The following SLC47A2 variants were observed in gnomAD, a reference collection of about 807,000 sequenced individuals.
SLC47A2 encodes multidrug and toxin extrusion protein 2.
In SLC47A2, 52 loss-of-function variants were observed where a neutral mutation model predicts 67.7. The ratio of observed to expected loss-of-function variants is 0.77; its 90% CI spans 0.61 to 0.97. The LOEUF (loss-of-function observed/expected upper bound fraction) is 0.97, where lower values mean the gene tolerates loss of function less well. Ranked by LOEUF, SLC47A2 falls within the 50% of genes least tolerant of loss-of-function variation. SLC47A2 has a pLI of 0.00. For synonymous variants in SLC47A2, 278 were observed against 292.9 expected (o/e 0.95, Z 0.52); for missense variants, 676 against 712.3 (o/e 0.95, Z 0.58).
intron 11 of SLC47A2, among the ~76,000 whole-genome samples, chr17:19,703,686 T>A (rs2085849522): frequency 1.3e-5 from 2 of 152,106 alleles, no homozygotes; most frequent in Non-Finnish European, 2.9e-5. Context: ...ATGGGGGTGC[T>A]GGGAGGGCCA....
intron 16 of SLC47A2, 35 bp downstream of exon 16, chr17:19,679,917 G>C (rs770513763): frequency 6.3e-7 from 1 of 1,596,310 alleles, no homozygotes; most frequent in Non-Finnish European, 8.6e-7. Flanking sequence ...ACATTTATAT[G>C]TGTACCAAAG....
Position 19,678,656 on chromosome 17 carries a change from C to T in SLC47A2, c.*30G>A. 6.2e-7 allele frequency: 1 copy of T among 1,608,232 alleles called. No homozygotes were observed. Among genetic ancestry groups the T allele is most frequent in the Non-Finnish European group, 8.5e-7 (1 of 1,176,624 alleles). On this transcript the variant is annotated 3_prime_UTR_variant, in exon 17 of 17. Coordinates refer to ENST00000433844, the MANE Select transcript of SLC47A2 (RefSeq NM_001099646.3). ...TGTGTTTGCATACTGGGGACAGCCACTCCTGGCTTTCTATTTCCAAGCTTC... is the reference window on the plus strand; with the variant it reads ...TGTGTTTGCATACTGGGGACAGCCATTCCTGGCTTTCTATTTCCAAGCTTC...
At chr17:19,693,201 T>C (rs2152344102) in intron 13 of SLC47A2, among the ~76,000 whole-genome samples, 1 of 152,068 alleles carries the variant, frequency 6.6e-6, no homozygotes, top group South Asian at 2.1e-4. Context: ...AACAGCATAT[T>C]AATAAAGAAC....
intron 13 of SLC47A2, among the ~76,000 whole-genome samples, chr17:19,701,382 C>T (rs2085782935): frequency 6.6e-6 from 1 of 152,000 alleles, no homozygotes. Context: ...GAATAGTTAG[C>T]GAACTGGATG....
At chr17:19,701,768 C>T (rs1346394760) in intron 13 of SLC47A2, among the ~76,000 whole-genome samples, 1 of 152,064 alleles carries the variant, frequency 6.6e-6, no homozygotes, top group East Asian at 1.9e-4. Context: ...ATCACTTGAG[C>T]CCAGGAGTTC....
At chr17:19,713,561 T>G (rs984276882) in intron 4 of SLC47A2, among the ~76,000 whole-genome samples, 2 of 152,224 alleles carry the variant, frequency 1.3e-5, no homozygotes, top group African/African-American at 4.8e-5. Flanking sequence ...GCAAATAAAA[T>G]GCAAATCCCA....
At position 19,713,885 on chromosome 17, in the gene SLC47A2, G is replaced by A. The variant is rs148039766; in HGVS notation, c.383C>T (p.Ala128Val). ...GATGTGCTGGGTGTTGAGGAAGAGC[G>A]CCCAGCAAGGGAGGCAGCAGAGGAG... Reference protein sequence around the residue: ...VLLLCCLPCWALFLNTQHILL... With the variant: ...VLLLCCLPCWVLFLNTQHILL... The change falls in exon 4 of 17, where the codon GCG becomes GTG. Residue 128 changes from alanine (A) to valine (V), a missense_variant. Coordinates refer to ENST00000433844, the MANE Select transcript of SLC47A2 (RefSeq NM_001099646.3). 5.6e-6 allele frequency: 9 copies of A among 1,613,824 alleles called. No individual in the cohort carries two copies. The South Asian group carries it at 7.7e-5, about 14-fold the overall frequency.
At chr17:19,691,111 G>A (rs556098273) in intron 13 of SLC47A2, among the ~76,000 whole-genome samples, 34 of 150,860 alleles carry the variant, frequency 2.3e-4, no homozygotes, top group African/African-American at 7.8e-4. Context: ...CAACAAGAGC[G>A]AAACTCCGTC....
chr17:19,698,808 G>A (rs946855137), intron 13 of SLC47A2, among the ~76,000 whole-genome samples: 7 of 151,974 alleles, frequency 4.6e-5, no homozygotes, highest in South Asian at 2.1e-4. Context: ...TTCTGCATCC[G>A]TGGATGCAAC....
Position 19,711,612 on chromosome 17 carries a change from A to G in SLC47A2, c.486+1091T>C, listed in dbSNP as rs201650651. Among the ~76,000 whole-genome samples, 54 of 150,464 alleles carry G rather than the reference A, an allele frequency of 3.6e-4. No individual in the cohort carries two copies. In the East Asian group the frequency reaches 7.8e-3, roughly 22 times the overall value. ...TCAAAAAAAAAAAAAAAAAAAAAAA[A>G]AAAAGAAAAGAAAAAAGAAATGCAT... On this transcript the variant is annotated intron_variant, in intron 5 of 16. Coordinates refer to ENST00000433844, the MANE Select transcript of SLC47A2 (RefSeq NM_001099646.3).
chr17:19,716,182 G>A (rs2086260231), intron 1 of SLC47A2: 2 of 495,252 alleles, frequency 4.0e-6, no homozygotes, highest in Non-Finnish European at 6.9e-6. Flanking sequence ...GTTTCCAGCT[G>A]AGGCACACCC....
chr17:19,690,694 G>C (rs1386311370), intron 13 of SLC47A2, among the ~76,000 whole-genome samples: 2 of 152,112 alleles, frequency 1.3e-5, no homozygotes, highest in African/African-American at 4.8e-5. Flanking sequence ...TATATGAAAA[G>C]ATGCCCAACA....
At position 19,685,630 on chromosome 17, in the gene SLC47A2, C is replaced by T. The variant is rs988861026; in HGVS notation, c.1165-3960G>A. Among the ~76,000 whole-genome samples, 3 of 152,154 alleles carry T rather than the reference C, an allele frequency of 2.0e-5. No homozygotes were observed. Among genetic ancestry groups the T allele is most frequent in the Non-Finnish European group, 4.4e-5 (3 of 68,042 alleles). Reference sequence around the variant, plus strand: ...TGCTCATTAAGAGTCATCACCACTCCCTAATCTCAAGTACCCAGGGACACA... The same window carrying T: ...TGCTCATTAAGAGTCATCACCACTCTCTAATCTCAAGTACCCAGGGACACA... On this transcript the variant is annotated intron_variant, in intron 13 of 16. Coordinates refer to ENST00000433844, the MANE Select transcript of SLC47A2 (RefSeq NM_001099646.3). The surrounding 1 kb of genome is among the most constrained non-coding windows in gnomAD (Gnocchi z 4.5).
chr17:19,705,534 C>T (rs375122316), intron 9 of SLC47A2, 31 bp from the exon 10 acceptor site: 239 of 1,599,136 alleles, frequency 1.5e-4, no homozygotes, highest in Non-Finnish European at 1.9e-4. Flanking sequence ...GAGTCCGGCC[C>T]GCAGCCCCAG....
intron 13 of SLC47A2, 151 bp downstream of exon 13, chr17:19,702,454 T>C: frequency 6.9e-7 from 1 of 1,444,456 alleles, no homozygotes; most frequent in African/African-American, 1.4e-5. Context: ...AATGGAACTA[T>C]TATCAGCAAA....
rs2085420597 is a variant in SLC47A2, at chr17:19,685,977, T to C, written c.1165-4307A>G. Among the ~76,000 whole-genome samples, 1 of 152,192 alleles carries C rather than the reference T, an allele frequency of 6.6e-6. No individual in the cohort carries two copies. Among genetic ancestry groups the C allele is most frequent in the South Asian group, 2.1e-4 (1 of 4,820 alleles). ...TCACTAGTTTAAAAATAATGGATTA[T>C]TGGCCAGGCACAGTGGCTGATGTCT... On this transcript the variant is annotated intron_variant, in intron 13 of 16. Coordinates refer to ENST00000433844, the MANE Select transcript of SLC47A2 (RefSeq NM_001099646.3). The surrounding 1 kb of genome is among the most constrained non-coding windows in gnomAD (Gnocchi z 4.5).
chr17:19,681,659 G>A lies in SLC47A2; in HGVS notation c.1176C>T (p.Gly392=), dbSNP rs539685879. ...HVFEAICCVY[G]GVLRGTGKQA... ...GCTTCCCAGTTCCTCTCAGAACTCC[G>A]CCATAGACACACTAGGAGGGGAGAC... The change falls in exon 14 of 17, where the codon GGC becomes GGT. Residue 392 remains glycine, a synonymous_variant. Transcript: ENST00000433844. The A allele has an allele frequency of 1.2e-5, 20 of 1,612,574 alleles. No individual in the cohort carries two copies. The highest frequency in any genetic ancestry group is 4.4e-5 in the South Asian group (4 of 90,908).
rs1482905673 is a variant in SLC47A2 at position 19,679,840 on chromosome 17, T to C, written c.1480+112A>G. 16 of 1,026,200 alleles carry C rather than the reference T, an allele frequency of 1.6e-5. No individual in the cohort carries two copies. In the East Asian group the frequency reaches 1.9e-4, roughly 12 times the overall value. 63.6% of individuals were successfully genotyped at this position (1,026,200 alleles called of 1,614,324 possible). ...ATTTTCATAATAATGGGAAGAAAAA[T>C]AGCTTGGGCTTGTACAATTTCCAAT... On this transcript the variant is annotated intron_variant, in intron 16 of 16. Transcript: ENST00000433844.
intron 9 of SLC47A2, 109 bp downstream of exon 9, chr17:19,706,539 T>A (rs1481092136): frequency 2.2e-6 from 2 of 889,572 alleles, no homozygotes; most frequent in East Asian, 5.6e-5. Flanking sequence ...TGAGCTGCCA[T>A]CCTGGGGAGG....
Sources: allele counts gnomAD v4.1 joint callset (sites outside exome capture counted in the v4.1 genomes callset), GRCh38; gene constraint gnomAD v4.1.1; non-coding constraint Gnocchi (gnomAD v3.1); transcripts MANE v1.5; gene names NCBI Gene and HGNC (gene_info 2026-07-23, HGNC 2026-07-21).